Variants in RAP1GAP2 observed in about 807,000 individuals in gnomAD.
RAP1GAP2 encodes rap1 GTPase-activating protein 2.
In RAP1GAP2, 27 loss-of-function variants were observed where a neutral mutation model predicts 95.0. The ratio of observed to expected loss-of-function variants is 0.28; its 90% CI spans 0.21 to 0.39. The LOEUF is 0.39. RAP1GAP2 is among the 10% of genes least tolerant of loss of function. The pLI, the probability that RAP1GAP2 is intolerant of heterozygous loss-of-function variation, is 1.00. For synonymous variants in RAP1GAP2, 373 were observed against 380.9 expected (o/e 0.98, Z 0.24); for missense variants, 771 against 970.0 (o/e 0.79, Z 2.72).
intron 23 of RAP1GAP2, 44 bp from the exon 24 acceptor site, chr17:3,032,367 C>G (rs1439697092): frequency 6.2e-7 from 1 of 1,613,278 alleles, no homozygotes; most frequent in Non-Finnish European, 8.5e-7. Context: ...GGGACCTGTG[C>G]TGTCTGGTTA....
chr17:2,826,147 A>G (rs1200086728), intron 2 of RAP1GAP2, among the ~76,000 whole-genome samples: 1 of 108,864 alleles, frequency 9.2e-6, no homozygotes, highest in African/African-American at 3.7e-5. Context: ...CGCCCAGCAA[A>G]TTTTTTTTTT....
chr17:2,768,689 T>G (rs2068323362), intron 1 of RAP1GAP2, among the ~76,000 whole-genome samples: 1 of 80,640 alleles, frequency 1.2e-5, no homozygotes, highest in Admixed American at 1.5e-4. Flanking sequence ...CGAAACTCTG[T>G]CTCAAAAAAA....
intron 2 of RAP1GAP2, among the ~76,000 whole-genome samples, chr17:2,878,396 G>A (rs550727874): frequency 3.0e-4 from 45 of 152,266 alleles, no homozygotes; most frequent in African/African-American, 9.6e-4. Flanking sequence ...TTGGGTTGGT[G>A]GGTGCAGCCT....
intron 12 of RAP1GAP2, among the ~76,000 whole-genome samples, chr17:2,993,661 C>T (rs570731894): frequency 6.6e-5 from 10 of 152,166 alleles, no homozygotes; most frequent in Non-Finnish European, 1.2e-4. Flanking sequence ...TAGCTAGTCA[C>T]GATTGTTATT....
At chr17:3,006,066 T>C (rs776584246) in intron 16 of RAP1GAP2, 25 bp downstream of exon 16, 1 of 1,573,384 alleles carries the variant, frequency 6.4e-7, no homozygotes. Flanking sequence ...TCTGAAGGTC[T>C]CCCTCCTGAC....
chr17:2,935,658 C>T (rs529844261), intron 3 of RAP1GAP2, among the ~76,000 whole-genome samples: 4 of 152,162 alleles, frequency 2.6e-5, no homozygotes, highest in African/African-American at 4.8e-5. Flanking sequence ...ATTTGTCGTT[C>T]GATCACTGTT....
At chr17:2,937,195 G>A (rs559757581) in intron 3 of RAP1GAP2, among the ~76,000 whole-genome samples, 1 of 152,232 alleles carries the variant, frequency 6.6e-6, no homozygotes, top group Non-Finnish European at 1.5e-5. Context: ...GAGTGGGAAG[G>A]AGGAGAGGGA....
At chr17:2,949,976 A>G (rs1234041377) in intron 3 of RAP1GAP2, among the ~76,000 whole-genome samples, 6 of 151,904 alleles carry the variant, frequency 3.9e-5, no homozygotes, top group Admixed American at 3.9e-4. Flanking sequence ...AGGCTGAATC[A>G]TAGCCCTTCT....
Position 2,941,745 on chromosome 17 carries a change from C to T in RAP1GAP2, c.166-16014C>T, listed in dbSNP as rs561701851. On this transcript the variant is annotated intron_variant, in intron 3 of 24. Transcript: ENST00000254695. Reference sequence around the variant, plus strand: ...GTGCAGTGGTGTGATCTCGGCTCACCGCAACCTCCTCACAGCAACCTCCGC... The same window carrying T: ...GTGCAGTGGTGTGATCTCGGCTCACTGCAACCTCCTCACAGCAACCTCCGC... 2.2e-4 allele frequency among the ~76,000 whole-genome samples: 33 copies of T among 151,474 alleles called. No homozygotes were observed. The East Asian group carries it at 2.7e-3, about 13-fold the overall frequency.
At chr17:2,806,199 G>C (rs1341753377) in intron 2 of RAP1GAP2, among the ~76,000 whole-genome samples, 1 of 152,066 alleles carries the variant, frequency 6.6e-6, no homozygotes, top group African/African-American at 2.4e-5. Context: ...GATTTAACCA[G>C]CTAAGAATTG....
rs566574080 is a variant in RAP1GAP2, at chr17:2,992,651, T to G, written c.914+1254T>G. Among the ~76,000 whole-genome samples the G allele has an allele frequency of 1.3e-3, 195 of 152,228 alleles. 1 individual carries two copies. The highest frequency in any genetic ancestry group is 2.4e-3 in the Non-Finnish European group (164 of 68,002). On this transcript the variant is annotated intron_variant, in intron 12 of 24. Transcript: ENST00000254695. ...CTCCATCCCAGCAGCCAGATTGACA[T>G]GAGCTCCTCACATCGTGTGAAAATA...
chr17:2,983,471 G>GCGC (rs1454374100), intron 10 of RAP1GAP2, among the ~76,000 whole-genome samples: 1 of 152,122 alleles, frequency 6.6e-6, no homozygotes, highest in Non-Finnish European at 1.5e-5. Flanking sequence ...CAAAGATATT[G>GCGC]CGCCATCTTT....
chr17:3,016,123 C>T (rs921730833), intron 17 of RAP1GAP2, among the ~76,000 whole-genome samples: 5 of 152,244 alleles, frequency 3.3e-5, no homozygotes, highest in African/African-American at 1.2e-4. Flanking sequence ...CGTCTTTCCC[C>T]TCTGCCCTCC....
intron 3 of RAP1GAP2, among the ~76,000 whole-genome samples, chr17:2,946,730 C>G (rs1400084292): frequency 6.6e-6 from 1 of 152,142 alleles, no homozygotes; most frequent in Non-Finnish European, 1.5e-5. Context: ...GGCCAAGAAT[C>G]AGAAGCTCTA....
chr17:2,786,370 G>A (rs572364156), intron 1 of RAP1GAP2, among the ~76,000 whole-genome samples: 37 of 152,326 alleles, frequency 2.4e-4, no homozygotes, highest in African/African-American at 7.9e-4. Context: ...AACCCCTTCC[G>A]CCAGAGGGCA....
At chr17:2,803,911 A>G (rs1003847859) in intron 2 of RAP1GAP2, among the ~76,000 whole-genome samples, 1 of 152,156 alleles carries the variant, frequency 6.6e-6, no homozygotes, top group African/African-American at 2.4e-5. Flanking sequence ...AAACAAAACA[A>G]AAGTATTGCA....
intron 3 of RAP1GAP2, among the ~76,000 whole-genome samples, chr17:2,926,934 A>G (rs1160192165): frequency 3.7e-4 from 47 of 125,702 alleles, no homozygotes; most frequent in Admixed American, 2.1e-3. Context: ...TGAACCCGGG[A>G]GGCGGAGGTT....
intron 3 of RAP1GAP2, among the ~76,000 whole-genome samples, chr17:2,920,485 C>A (rs975247268): frequency 6.6e-6 from 1 of 152,208 alleles, no homozygotes; most frequent in Non-Finnish European, 1.5e-5. Context: ...GGCCCTGCCT[C>A]CCCCGCTGGA....
chr17:2,965,698 G>T lies in RAP1GAP2; in HGVS notation c.596+55G>T, dbSNP rs2044560796. On this transcript the variant is annotated intron_variant, in intron 8 of 24. Transcript: ENST00000254695. The surrounding 1 kb of genome is among the most constrained non-coding windows in gnomAD (Gnocchi z 4.7). ...TCTCTTCCAGGCAGGGCTCTCATCG[G>T]TGGTGTGGGGGCTGGGATGGGACTC... 2.3e-6 allele frequency: 3 copies of T among 1,314,526 alleles called. No homozygotes were observed. The South Asian group carries it at 3.8e-5, about 16-fold the overall frequency. The allele number at this position is 1,314,526 out of a possible 1,614,324, so 81.4% of individuals were successfully genotyped here. A position where few individuals can be genotyped will look rare whatever the true frequency, so the allele number is the denominator to read the frequency against.
Sources: allele counts gnomAD v4.1 joint callset (sites outside exome capture counted in the v4.1 genomes callset), GRCh38; gene constraint gnomAD v4.1.1; non-coding constraint Gnocchi (gnomAD v3.1); transcripts MANE v1.5; gene names NCBI Gene and HGNC (gene_info 2026-07-23, HGNC 2026-07-21).